The following HERC4 variants were observed in gnomAD, a reference collection of about 807,000 sequenced individuals.
HERC4 encodes HECT and RLD domain containing E3 ubiquitin protein ligase 4.
In HERC4, 28 loss-of-function variants were observed where a neutral mutation model predicts 124.3. That is an observed-to-expected ratio of 0.23 (90% CI 0.17 to 0.31). The LOEUF is 0.31. Ranked by LOEUF, HERC4 falls within the 10% of genes least tolerant of loss-of-function variation. The pLI is 1.00. For synonymous variants in HERC4, 407 were observed against 421.5 expected, an observed-to-expected ratio of 0.97 and a Z score of 0.42; for missense variants, 713 against 1,229.3, an observed-to-expected ratio of 0.58 and a Z score of 6.28.
At chr10:68,074,233 TATC>T (rs1489261666) in intron 1 of HERC4, 2 of 152,190 alleles carry the variant, frequency 1.3e-5, no homozygotes, top group Non-Finnish European at 2.9e-5. Context: ...CGTTACTAAA[TATC>T]ATAATTACAG....
intron 3 of HERC4, chr10:68,069,259 G>A: frequency 1.1e-6 from 1 of 924,076 alleles, no homozygotes; most frequent in Non-Finnish European, 1.3e-6. Flanking sequence ...GCGCACTGAA[G>A]ATTAAATATA....
At chr10:67,934,162 T>C (rs2032110276) in intron 22 of HERC4, among the ~76,000 whole-genome samples, 1 of 152,234 alleles carries the variant, frequency 6.6e-6, no homozygotes, top group African/African-American at 2.4e-5. Context: ...TTAATGTAAT[T>C]GTCCCATTCA....
chr10:68,044,982 G>A (rs1340225285), intron 3 of HERC4, among the ~76,000 whole-genome samples: 1 of 152,088 alleles, frequency 6.6e-6, no homozygotes, highest in East Asian at 1.9e-4. Flanking sequence ...GATCATAACT[G>A]ACACATATAT....
At chr10:67,969,617 G>A (rs554086061) in intron 15 of HERC4, among the ~76,000 whole-genome samples, 1 of 152,250 alleles carries the variant, frequency 6.6e-6, no homozygotes, top group South Asian at 2.1e-4. Context: ...CTGAGGAAGG[G>A]GACGCAAACC....
intron 21 of HERC4, among the ~76,000 whole-genome samples, chr10:67,936,970 GAC>G (rs2032418185): frequency 6.6e-6 from 1 of 151,996 alleles, no homozygotes; most frequent in African/African-American, 2.4e-5. Flanking sequence ...GCATTTATAA[GAC>G]AGAGATGAAT....
chr10:67,974,293 A>C (rs2035451456), intron 15 of HERC4, among the ~76,000 whole-genome samples: 1 of 152,154 alleles, frequency 6.6e-6, no homozygotes, highest in African/African-American at 2.4e-5. Flanking sequence ...GTAAAACAAA[A>C]GGAGCCAAAT....
At chr10:67,958,824 A>G (rs2034309839) in intron 16 of HERC4, among the ~76,000 whole-genome samples, 1 of 152,172 alleles carries the variant, frequency 6.6e-6, no homozygotes, top group African/African-American at 2.4e-5. Context: ...CTGAGGACAC[A>G]TTACATTTTA....
chr10:68,025,876 C>T (rs916743031), intron 7 of HERC4, among the ~76,000 whole-genome samples, 200 bp from the exon 8 acceptor site: 2 of 151,944 alleles, frequency 1.3e-5, no homozygotes, highest in African/African-American at 4.8e-5. Flanking sequence ...ATGTTTTCAC[C>T]GTTATAAAAT....
In HERC4 at chr10:67,966,751, C is replaced by A; in HGVS notation, c.1858G>T (p.Glu620Ter). Residue 620 changes from glutamate to a stop codon, truncating the protein, a stop_gained, in exon 16 of 25, where the codon GAA (glutamate) becomes TAA (stop). Coordinates refer to ENST00000373700, the MANE Select transcript of HERC4 (RefSeq NM_015601.4). LOFTEE classifies it high-confidence loss of function. ...IIQYDKFYIH[E>*]VQELIDIRND... ...CTTATGTCTATCAATTCTTGTACTT[C>A]ATGTATATAAAATTTATCATACTGT... 6.3e-7 allele frequency: 1 copy of A among 1,593,348 alleles called. No homozygotes were observed.
intron 22 of HERC4, 63 bp downstream of exon 22, chr10:67,936,090 C>T (rs952337187): frequency 5.2e-5 from 56 of 1,071,048 alleles, no homozygotes; most frequent in African/African-American, 8.0e-5. Context: ...ACGTTTTCTA[C>T]GTACAGAAGA....
chr10:67,925,593 A>T (rs1226821146), intron 23 of HERC4, among the ~76,000 whole-genome samples: 1 of 152,158 alleles, frequency 6.6e-6, no homozygotes, highest in Admixed American at 6.5e-5. Flanking sequence ...AAGCAACACT[A>T]AAAATTTTCT....
intron 9 of HERC4, among the ~76,000 whole-genome samples, chr10:68,000,796 T>A (rs1280612473): frequency 2.6e-5 from 4 of 152,054 alleles, no homozygotes; most frequent in Admixed American, 6.6e-5. Flanking sequence ...TGCCAAAGAT[T>A]GACAGCAAAC....
At position 67,969,737 on chromosome 10, in the gene HERC4, G is replaced by T. The variant is rs564936812; in HGVS notation, c.1807-2935C>A. ...TCAGTAGGACTAGAGGTCTGCAATT[G>T]CTGGGGGAGGGAGCAGAAACTGCCA... On this transcript the variant is annotated intron_variant, in intron 15 of 24. Coordinates refer to ENST00000373700, the MANE Select transcript of HERC4 (RefSeq NM_015601.4). Among the ~76,000 whole-genome samples the T allele has an allele frequency of 2.6e-4, 40 of 152,246 alleles. No homozygotes were observed. In the South Asian group the frequency reaches 8.1e-3, roughly 31 times the overall value.
intron 19 of HERC4, among the ~76,000 whole-genome samples, chr10:67,944,595 A>C (rs768211350): frequency 6.6e-6 from 1 of 152,228 alleles, no homozygotes; most frequent in African/African-American, 2.4e-5. Context: ...ACATGACCTC[A>C]CCAAACGAAC....
intron 3 of HERC4, among the ~76,000 whole-genome samples, chr10:68,050,269 T>A (rs1199390813): frequency 6.6e-6 from 1 of 152,196 alleles, no homozygotes; most frequent in Non-Finnish European, 1.5e-5. Flanking sequence ...TGGTCAAATG[T>A]AAGAGCCAAG....
chr10:67,955,255 G>C, intron 17 of HERC4, 125 bp from the exon 18 acceptor site: 1 of 756,516 alleles, frequency 1.3e-6, no homozygotes, highest in Non-Finnish European at 2.1e-6. Context: ...AATTAACATA[G>C]CACCTAACAG....
At chr10:67,980,064 G>A (rs530275064) in intron 15 of HERC4, among the ~76,000 whole-genome samples, 3 of 152,308 alleles carry the variant, frequency 2.0e-5, no homozygotes, top group African/African-American at 7.2e-5. Context: ...GACATTTAAA[G>A]TATTGAAGGG....
intron 21 of HERC4, among the ~76,000 whole-genome samples, chr10:67,939,326 T>A (rs2032668728): frequency 6.6e-6 from 1 of 152,222 alleles, no homozygotes; most frequent in Non-Finnish European, 1.5e-5. Context: ...GAGGCTGGTA[T>A]GCATACTGAC....
In HERC4 at chr10:68,044,489, C is replaced by T. The variant is rs2039921102; in HGVS notation, c.301G>A (p.Asp101Asn). 2 of 1,614,144 alleles carry T rather than the reference C, an allele frequency of 1.2e-6. No individual in the cohort carries two copies. The highest frequency in any genetic ancestry group is 1.7e-6 in the Non-Finnish European group (2 of 1,180,030). ...CCCCAAGCATACACCTGGCCTTTGT[C>T]ATTTAGCGCTAACGTATGAGCTTCT... The part of the protein sequence containing the change: ...CGEAHTLALN[D>N]KGQVYAWGLD... Residue 101 changes from aspartate to asparagine, a missense_variant, in exon 4 of 25, where the codon GAC becomes AAC. Physicochemically the swap from Asp to Asn is conservative, Grantham distance 23 (BLOSUM62 1). Coordinates refer to ENST00000373700, the MANE Select transcript of HERC4 (RefSeq NM_015601.4).
Sources: gnomAD v4.1 joint callset for allele counts (sites outside exome capture counted in the v4.1 genomes callset) on GRCh38, gnomAD v4.1.1 for gene constraint, MANE v1.5 for transcripts, NCBI Gene and HGNC (gene_info 2026-07-23, HGNC 2026-07-21) for gene names.